NRXN3: variants seen among roughly 807,000 people sequenced by gnomAD.
NRXN3 encodes the protein neurexin III.
In NRXN3, 32 loss-of-function variants were observed where a neutral mutation model predicts 137.6. That is an observed-to-expected ratio of 0.23 (90% CI 0.18 to 0.31). The LOEUF is 0.31. NRXN3 is among the 10% of genes least tolerant of loss of function. NRXN3 has a pLI of 1.00. For synonymous variants in NRXN3, 798 were observed against 784.5 expected (o/e 1.02, Z -0.29); for missense variants, 1,574 against 2,062.5 (o/e 0.76, Z 4.59).
At chr14:78,172,087 C>T (rs957126776) in intron 1 of NRXN3, among the ~76,000 whole-genome samples, 18 of 152,094 alleles carry the variant, frequency 1.2e-4, no homozygotes, top group African/African-American at 4.3e-4. Flanking sequence ...TCTTCCTCTC[C>T]GCTGGGTCCT....
intron 4 of NRXN3, among the ~76,000 whole-genome samples, chr14:78,565,283 T>TTGTTTTAG (rs2096826705): frequency 6.6e-6 from 1 of 152,204 alleles, no homozygotes; most frequent in African/African-American, 2.4e-5. Flanking sequence ...TTCAATTTCC[T>TTGTTTTAG]GTTTCCCCTG....
chr14:79,181,956 A>G (rs2062977092), intron 15 of NRXN3, among the ~76,000 whole-genome samples: 1 of 152,180 alleles, frequency 6.6e-6, no homozygotes, highest in South Asian at 2.1e-4. Flanking sequence ...CCCATCTGTG[A>G]AAATGGATTC....
chr14:79,131,437 G>A (rs1164075820), intron 15 of NRXN3, among the ~76,000 whole-genome samples: 5 of 152,146 alleles, frequency 3.3e-5, no homozygotes, highest in South Asian at 2.1e-4. Flanking sequence ...GTACCCAGCC[G>A]TGTGAGGTGT....
chr14:79,799,105 C>A (rs1219563063), intron 19 of NRXN3, among the ~76,000 whole-genome samples: 1 of 152,116 alleles, frequency 6.6e-6, no homozygotes, highest in Admixed American at 6.5e-5. Flanking sequence ...AATAAAAAAT[C>A]TTCCAGGAAA....
intron 19 of NRXN3, among the ~76,000 whole-genome samples, chr14:79,721,850 A>T (rs151205873): frequency 6.6e-6 from 1 of 152,134 alleles, no homozygotes; most frequent in Non-Finnish European, 1.5e-5. Context: ...TGGTAGCATG[A>T]AGTCTCTAAT....
chr14:79,208,965 G>A (rs2067218180), intron 15 of NRXN3, among the ~76,000 whole-genome samples: 3 of 152,110 alleles, frequency 2.0e-5, no homozygotes, highest in Non-Finnish European at 4.4e-5. Flanking sequence ...TTGAGATGGA[G>A]TCTTGCTCTG....
intron 6 of NRXN3, among the ~76,000 whole-genome samples, chr14:78,683,895 T>A (rs1174717667): frequency 2.6e-5 from 4 of 152,250 alleles, no homozygotes; most frequent in Non-Finnish European, 1.5e-5. Context: ...AGTTACATCT[T>A]AGATTGATGA....
intron 10 of NRXN3, among the ~76,000 whole-genome samples, chr14:78,888,409 A>G (rs1276285278): frequency 6.6e-6 from 1 of 150,462 alleles, no homozygotes; most frequent in African/African-American, 2.4e-5. Flanking sequence ...TTTAAGACAT[A>G]ATACCTGTCC....
intron 15 of NRXN3, among the ~76,000 whole-genome samples, chr14:79,373,248 T>C (rs2094162343): frequency 6.6e-6 from 1 of 152,092 alleles, no homozygotes; most frequent in South Asian, 2.1e-4. Flanking sequence ...ACCAGTGAAG[T>C]GTATATTATT....
intron 4 of NRXN3, among the ~76,000 whole-genome samples, chr14:78,633,202 C>T (rs1186426049): frequency 6.9e-6 from 1 of 145,304 alleles, no homozygotes; most frequent in Non-Finnish European, 1.5e-5. Context: ...TTGCAGTGAG[C>T]CAAGATCGCG....
At chr14:79,105,219 T>C (rs2052169818) in intron 15 of NRXN3, among the ~76,000 whole-genome samples, 1 of 152,100 alleles carries the variant, frequency 6.6e-6, no homozygotes, top group East Asian at 1.9e-4. Flanking sequence ...CACAGACAGA[T>C]CAATAGTATC....
intron 15 of NRXN3, among the ~76,000 whole-genome samples, chr14:79,222,299 T>C (rs2069895214): frequency 6.6e-6 from 1 of 152,226 alleles, no homozygotes; most frequent in South Asian, 2.1e-4. Flanking sequence ...AGAAATTCAA[T>C]GGTAGCTTGA....
At chr14:78,778,702 C>CTTT (rs1157722461) in intron 8 of NRXN3, among the ~76,000 whole-genome samples, 1 of 144,152 alleles carries the variant, frequency 6.9e-6, no homozygotes, top group Non-Finnish European at 1.5e-5. Context: ...TTCTTTCTTT[C>CTTT]TTTCTTTCTT....
At chr14:79,493,374 T>G (rs188671622) in intron 16 of NRXN3, among the ~76,000 whole-genome samples, 1 of 152,194 alleles carries the variant, frequency 6.6e-6, no homozygotes, top group African/African-American at 2.4e-5. Flanking sequence ...ATTTAGAGAT[T>G]TACAGAAGGG....
intron 4 of NRXN3, among the ~76,000 whole-genome samples, chr14:78,467,324 A>G (rs184387724): frequency 6.6e-6 from 1 of 152,346 alleles, no homozygotes; most frequent in Admixed American, 6.5e-5. Context: ...TTTGTTATAA[A>G]TTTCTCAAGT....
At chr14:78,694,751 C>T (rs997965304) in intron 6 of NRXN3, among the ~76,000 whole-genome samples, 7 of 151,840 alleles carry the variant, frequency 4.6e-5, no homozygotes, top group Admixed American at 3.9e-4. Context: ...AGTATTGATA[C>T]TCCTAGACAA....
chr14:78,443,718 T>A (rs2094328875), intron 4 of NRXN3, among the ~76,000 whole-genome samples: 1 of 152,174 alleles, frequency 6.6e-6, no homozygotes, highest in Non-Finnish European at 1.5e-5. Context: ...AATGGGTAAA[T>A]AATAAATACC....
chr14:78,412,533 A>G (rs1222946143), intron 4 of NRXN3, among the ~76,000 whole-genome samples: 1 of 152,180 alleles, frequency 6.6e-6, no homozygotes, highest in African/African-American at 2.4e-5. Context: ...GTATTGGTTC[A>G]CATTTTGCAA....
At chr14:79,509,318 C>T (rs1340415475) in intron 16 of NRXN3, among the ~76,000 whole-genome samples, 1 of 152,090 alleles carries the variant, frequency 6.6e-6, no homozygotes, top group Non-Finnish European at 1.5e-5. Flanking sequence ...ACCAGCTTGC[C>T]AATATGGTGA....
Sources: gnomAD v4.1 joint callset for allele counts (sites outside exome capture counted in the v4.1 genomes callset) on GRCh38, gnomAD v4.1.1 for gene constraint, MANE v1.5 for transcripts, NCBI Gene and HGNC (gene_info 2026-07-23, HGNC 2026-07-21) for gene names.